Variants in DMXL1 observed in about 807,000 individuals in gnomAD.
DMXL1 encodes dmX-like protein 1.
Under a neutral mutation model 319.2 loss-of-function variants are expected in DMXL1, and 99 were observed. That is an observed-to-expected ratio of 0.31 (90% confidence interval 0.26 to 0.37). DMXL1 has a LOEUF of 0.37. Among genes scored for constraint, DMXL1 ranks in the 10% least tolerant of loss-of-function variants. The pLI, the probability that DMXL1 is intolerant of heterozygous loss-of-function variation, is 1.00. For missense variants in DMXL1, 3,745 were observed against 3,595.6 expected, an observed-to-expected ratio of 1.04 and a Z score of -1.06; for synonymous variants, 1,385 against 1,235.2, an observed-to-expected ratio of 1.12 and a Z score of -2.54.
chr5:119,134,702 T>A (rs1765618023), intron 13 of DMXL1, among the ~76,000 whole-genome samples: 1 of 152,222 alleles, frequency 6.6e-6, no homozygotes, highest in African/African-American at 2.4e-5. Flanking sequence ...GCAATTATTT[T>A]ATAGGCAGGA....
intron 4 of DMXL1, among the ~76,000 whole-genome samples, chr5:119,108,770 G>T (rs897502624): frequency 6.6e-6 from 1 of 151,454 alleles, no homozygotes; most frequent in African/African-American, 2.4e-5. Flanking sequence ...TTAAATATTT[G>T]GTTGAGATCC....
chr5:119,209,853 A>T (rs1479870753), intron 34 of DMXL1, among the ~76,000 whole-genome samples: 3 of 152,128 alleles, frequency 2.0e-5, no homozygotes, highest in Admixed American at 6.5e-5. Context: ...TTCTTGATTC[A>T]ATTTTAACAG....
intron 1 of DMXL1, among the ~76,000 whole-genome samples, chr5:119,073,148 G>T (rs1308235747): frequency 6.6e-6 from 1 of 152,074 alleles, no homozygotes; most frequent in Non-Finnish European, 1.5e-5. Flanking sequence ...CTGCAGCCTC[G>T]ACCTCCCCGG....
chr5:119,077,162 T>C (rs1751058471), intron 1 of DMXL1, among the ~76,000 whole-genome samples: 1 of 144,828 alleles, frequency 6.9e-6, no homozygotes, highest in Non-Finnish European at 1.5e-5. Context: ...AGTGCTATTT[T>C]ATTTTATTTT....
chr5:119,217,958 G>A (rs2150561715), intron 35 of DMXL1, among the ~76,000 whole-genome samples: 1 of 152,166 alleles, frequency 6.6e-6, no homozygotes, highest in South Asian at 2.1e-4. Context: ...GCTGATTCCA[G>A]ATTTGCCTGC....
chr5:119,205,573 A>C (rs899605142), intron 33 of DMXL1, among the ~76,000 whole-genome samples: 1 of 151,990 alleles, frequency 6.6e-6, no homozygotes, highest in African/African-American at 2.4e-5. Flanking sequence ...CTTACTTTGC[A>C]ATGTTTTGAT....
At chr5:119,093,206 CAG>C in intron 1 of DMXL1, among the ~76,000 whole-genome samples, 1 of 152,192 alleles carries the variant, frequency 6.6e-6, no homozygotes. Flanking sequence ...TATTTTTGAA[CAG>C]AGTCTTGCTC....
At chr5:119,241,457 C>T (rs1168019574) in intron 42 of DMXL1, among the ~76,000 whole-genome samples, 1 of 151,282 alleles carries the variant, frequency 6.6e-6, no homozygotes, top group African/African-American at 2.4e-5. Flanking sequence ...ATGGTGTGAA[C>T]CCGGGAGGCG....
intron 13 of DMXL1, among the ~76,000 whole-genome samples, chr5:119,135,996 A>G (rs565746450): frequency 6.6e-6 from 1 of 152,326 alleles, no homozygotes; most frequent in East Asian, 1.9e-4. Context: ...AGAAGAAGAC[A>G]GGAAGATGTG....
chr5:119,147,965 C>G (rs755569549), intron 17 of DMXL1, among the ~76,000 whole-genome samples: 1 of 152,206 alleles, frequency 6.6e-6, no homozygotes, highest in Non-Finnish European at 1.5e-5. Context: ...ATCTCAGACT[C>G]TGGGATGGGG....
At chr5:119,167,929 C>G in intron 23 of DMXL1, 65 bp downstream of exon 23, 1 of 1,482,686 alleles carries the variant, frequency 6.7e-7, no homozygotes, top group Non-Finnish European at 9.2e-7. Flanking sequence ...ATGTGCAGAT[C>G]ACTCTATTAG....
At position 119,166,668 on chromosome 5, in the gene DMXL1, G is replaced by C; in HGVS notation, c.5023G>C (p.Glu1675Gln). Residue 1675 changes from glutamate to glutamine, a missense_variant, in exon 22 of 44, where the codon GAG (glutamate) becomes CAG (glutamine). Around this residue, in one of 4 missense-constraint regions of DMXL1, gnomAD observed 2,096 missense variants for 1,985.4 expected, o/e 1.06. Coordinates refer to ENST00000539542, the MANE Select transcript of DMXL1 (RefSeq NM_001290321.3). ...GTTTTTTGGACACAATTTTGAGGAT[G>C]AGAGGTGGCGTAAAGCAGCTTTAAA... ...TQFFGHNFEDERWRKAALKNA... is the reference protein window; with the variant it reads ...TQFFGHNFEDQRWRKAALKNA... 6.2e-7 allele frequency: 1 copy of C among 1,612,532 alleles called. No individual in the cohort carries two copies. The highest frequency in any genetic ancestry group is 8.5e-7 in the Non-Finnish European group (1 of 1,179,380).
intron 32 of DMXL1, among the ~76,000 whole-genome samples, chr5:119,198,187 C>T (rs1780003379): frequency 6.6e-6 from 1 of 152,100 alleles, no homozygotes; most frequent in African/African-American, 2.4e-5. Context: ...TGGGGTTTCA[C>T]CATGTTGGCC....
chr5:119,174,431 T>C (rs1030694470), intron 25 of DMXL1, among the ~76,000 whole-genome samples: 6 of 152,348 alleles, frequency 3.9e-5, no homozygotes, highest in African/African-American at 1.2e-4. Flanking sequence ...CAAAATACTG[T>C]GATCATTTTT....
intron 1 of DMXL1, among the ~76,000 whole-genome samples, chr5:119,076,336 T>C (rs1458536481): frequency 1.3e-5 from 2 of 152,296 alleles, no homozygotes; most frequent in East Asian, 3.9e-4. Flanking sequence ...TCTGTTTTGT[T>C]TACTTTAAGG....
chr5:119,142,716 G>C (rs192486012), intron 13 of DMXL1, among the ~76,000 whole-genome samples: 2 of 152,040 alleles, frequency 1.3e-5, no homozygotes, highest in East Asian at 3.9e-4. Context: ...AAATCATTCT[G>C]TGGTAAGGGC....
chr5:119,177,921 T>C, intron 27 of DMXL1, 75 bp from the exon 28 acceptor site: 1 of 1,332,122 alleles, frequency 7.5e-7, no homozygotes, highest in Non-Finnish European at 9.9e-7. Flanking sequence ...TTTCCTGAAA[T>C]TAGAAAAATA....
intron 39 of DMXL1, 53 bp downstream of exon 39, chr5:119,233,520 A>G: frequency 6.6e-7 from 1 of 1,523,058 alleles, no homozygotes; most frequent in Non-Finnish European, 9.0e-7. Flanking sequence ...GAGGTTTATA[A>G]ATTCCACTAG....
intron 12 of DMXL1, 37 bp from the exon 13 acceptor site, chr5:119,134,231 A>G: frequency 6.2e-7 from 1 of 1,604,678 alleles, no homozygotes; most frequent in Non-Finnish European, 8.5e-7. Flanking sequence ...CATTATCATC[A>G]AAGGGTGAAA....
Sources: gnomAD v4.1 joint callset for allele counts (sites outside exome capture counted in the v4.1 genomes callset) on GRCh38, gnomAD v4.1.1 for gene constraint, gnomAD v4.1.1 regional missense constraint, MANE v1.5 for transcripts, NCBI Gene and HGNC (gene_info 2026-07-23, HGNC 2026-07-21) for gene names.